ASPH: variants seen among roughly 807,000 people sequenced by gnomAD.
ASPH encodes aspartate beta-hydroxylase.
A neutral mutation model predicts 118.4 loss-of-function variants in ASPH; 100 were observed. The ratio of observed to expected loss-of-function variants is 0.84; its 90% CI spans 0.72 to 1.00. The LOEUF is 1.00. Ranked by LOEUF, ASPH falls within the 50% of genes least tolerant of loss-of-function variation. ASPH has a pLI of 0.00. For synonymous variants in ASPH, 315 were observed against 325.6 expected (o/e 0.97, Z 0.35); for missense variants, 920 against 919.5 (o/e 1.00, Z -0.01).
intron 14 of ASPH, among the ~76,000 whole-genome samples, chr8:61,589,662 T>C (rs1239849516): frequency 6.6e-6 from 1 of 152,192 alleles, no homozygotes. Flanking sequence ...CATGTCACTC[T>C]GCCCACAGTG....
chr8:61,573,575 C>T (rs575659248), intron 16 of ASPH, among the ~76,000 whole-genome samples: 1 of 152,312 alleles, frequency 6.6e-6, no homozygotes, highest in African/African-American at 2.4e-5. Context: ...CTACAACCAT[C>T]TGATCTTTAA....
At chr8:61,521,611 A>T (rs1018848818) in intron 22 of ASPH, among the ~76,000 whole-genome samples, 1 of 152,206 alleles carries the variant, frequency 6.6e-6, no homozygotes, top group African/African-American at 2.4e-5. Context: ...CAAACCAGTT[A>T]ACTCAGCCTG....
Position 61,714,362 on chromosome 8 carries a change from G to C in ASPH, c.10C>G (p.Arg4Gly). 6.6e-7 allele frequency: 1 copy of C among 1,517,286 alleles called. No individual in the cohort carries two copies. The highest frequency in any genetic ancestry group is 8.8e-7 in the Non-Finnish European group (1 of 1,132,938). The allele number at this position is 1,517,286 out of a possible 1,614,324, so 94.0% of individuals were successfully genotyped here. The change falls in exon 1 of 25, where the codon CGT (arginine) becomes GGT (glycine). Residue 4 changes from arginine to glycine, a missense_variant. By Grantham distance (125) the Arg-to-Gly change is moderately radical (BLOSUM62 -2). Transcript: ENST00000379454. ...TTGCCGCTGCTCTTGGCATTCTTAC[G>C]CTGGGCCATTGCACGGTCCGCGGGG... MAQ[R>G]KNAKSSGNSS...
intron 1 of ASPH, chr8:61,689,581 C>A: frequency 1.5e-6 from 2 of 1,330,492 alleles, no homozygotes; most frequent in South Asian, 1.3e-5. Context: ...AGCACTTAGC[C>A]AAAAATATTT....
chr8:61,611,269 C>T lies in ASPH; in HGVS notation c.976+7709G>A, dbSNP rs139959985. Among the ~76,000 whole-genome samples the T allele has an allele frequency of 3.2e-3, 487 of 152,346 alleles. 5 individuals are homozygous for T. Among genetic ancestry groups the T allele is most frequent in the Non-Finnish European group, 4.5e-3 (305 of 68,036 alleles). ...CAAGTTTTTTGCTATATGGACACAG[C>T]TTCTTGTATACTCTCATAATGCAGG... On this transcript the variant is annotated intron_variant, in intron 14 of 24. Coordinates refer to ENST00000379454, the MANE Select transcript of ASPH (RefSeq NM_004318.4).
chr8:61,671,863 C>T (rs1199049279), intron 3 of ASPH, among the ~76,000 whole-genome samples: 1 of 152,148 alleles, frequency 6.6e-6, no homozygotes, highest in Non-Finnish European at 1.5e-5. Context: ...GTGGTTACAC[C>T]ACATGCAATA....
At chr8:61,517,362 A>C in intron 24 of ASPH, 166 bp downstream of exon 24, 5 of 987,634 alleles carry the variant, frequency 5.1e-6, no homozygotes, top group South Asian at 3.7e-5. Flanking sequence ...AGGCTAATAG[A>C]AAGCACCAAG....
intron 20 of ASPH, among the ~76,000 whole-genome samples, chr8:61,550,168 A>T (rs530751756): frequency 1.5e-3 from 226 of 152,116 alleles, no homozygotes; most frequent in African/African-American, 4.7e-3. Flanking sequence ...AGTGCTTTTT[A>T]AAAAAAACCT....
intron 5 of ASPH, among the ~76,000 whole-genome samples, chr8:61,648,693 A>T (rs1809318328): frequency 2.0e-5 from 3 of 152,276 alleles, no homozygotes; most frequent in Middle Eastern, 3.4e-3. Flanking sequence ...AAATTTCCTA[A>T]GGGGTCATGA....
At position 61,643,365 on chromosome 8, in the gene ASPH, AT is replaced by A; in HGVS notation, c.757+20del. On this transcript the variant is annotated intron_variant, in intron 9 of 24. Transcript: ENST00000379454. ...AATCTAAGGTAATATTTTAAATCTA[AT>A]GAAAATGCTCATCTAATACCTGTAT... is the stretch of plus-strand genomic sequence containing the variant. 2 of 1,595,542 alleles carry A rather than the reference AT, an allele frequency of 1.3e-6. No homozygotes were observed. The highest frequency in any genetic ancestry group is 2.3e-5 in the South Asian group (2 of 88,706).
At chr8:61,568,073 G>A (rs1832340301) in intron 16 of ASPH, among the ~76,000 whole-genome samples, 1 of 152,164 alleles carries the variant, frequency 6.6e-6, no homozygotes, top group Non-Finnish European at 1.5e-5. Flanking sequence ...ACCAATGGAG[G>A]CCATGAGGTA....
chr8:61,537,486 C>T (rs989925114), intron 21 of ASPH, among the ~76,000 whole-genome samples: 1 of 152,196 alleles, frequency 6.6e-6, no homozygotes, highest in African/African-American at 2.4e-5. Flanking sequence ...CTTCCTGCCT[C>T]AGCATCCCAA....
In ASPH at chr8:61,653,654, T is replaced by G; in HGVS notation, c.329A>C (p.Lys110Thr). ...VDDAKVLLGL[K>T]ERSTSEPAVP... is the part of the protein sequence containing the mutation. ...TGCTGGCTCTGAAGTAGATCTCTCT[T>G]TAAGTCCTGCATTTTTTTATTCACA... Residue 110 changes from lysine (K) to threonine (T), a missense_variant, in exon 4 of 25, where the codon AAA becomes ACA. Coordinates refer to ENST00000379454, the MANE Select transcript of ASPH (RefSeq NM_004318.4). 6.2e-7 allele frequency: 1 copy of G among 1,613,610 alleles called. No homozygotes were observed. The highest frequency in any genetic ancestry group is 8.5e-7 in the Non-Finnish European group (1 of 1,179,868).
At chr8:61,608,904 C>T (rs1397682050) in intron 14 of ASPH, among the ~76,000 whole-genome samples, 1 of 152,174 alleles carries the variant, frequency 6.6e-6, no homozygotes, top group East Asian at 1.9e-4. Context: ...AGCAGTGACA[C>T]AGAGCTGGGT....
At chr8:61,697,051 C>T (rs1371851645) in intron 1 of ASPH, among the ~76,000 whole-genome samples, 4 of 152,052 alleles carry the variant, frequency 2.6e-5, no homozygotes, top group African/African-American at 4.8e-5. Context: ...CTTTCTGGAG[C>T]AAAAGAATCC....
rs769646803 is a variant in ASPH, at chr8:61,643,374, C to G, written c.757+12G>C. The G allele has an allele frequency of 5.0e-6, 8 of 1,596,060 alleles. No homozygotes were observed. The East Asian group carries it at 1.8e-4, about 36-fold the overall frequency. ...TAATATTTTAAATCTAATGAAAATG[C>G]TCATCTAATACCTGTATCATGGTGC... On this transcript the variant is annotated intron_variant, in intron 9 of 24. Coordinates refer to ENST00000379454, the MANE Select transcript of ASPH (RefSeq NM_004318.4).
intron 13 of ASPH, among the ~76,000 whole-genome samples, chr8:61,630,429 A>G (rs1855059086): frequency 6.6e-6 from 1 of 152,184 alleles, no homozygotes. Flanking sequence ...AGTGAATAAT[A>G]AAAAAATTGT....
intron 1 of ASPH, among the ~76,000 whole-genome samples, chr8:61,700,774 T>C (rs1366931391): frequency 1.3e-5 from 2 of 152,236 alleles, no homozygotes; most frequent in Non-Finnish European, 2.9e-5. Context: ...TGGTATTATA[T>C]TGTTTGTAGC....
chr8:61,654,168 C>G (rs1490786819), intron 3 of ASPH, among the ~76,000 whole-genome samples: 1 of 152,132 alleles, frequency 6.6e-6, no homozygotes, highest in Non-Finnish European at 1.5e-5. Context: ...GAAACCCCTA[C>G]AAGTAATCAT....
Sources: gnomAD v4.1 joint callset for allele counts (sites outside exome capture counted in the v4.1 genomes callset) on GRCh38, gnomAD v4.1.1 for gene constraint, MANE v1.5 for transcripts, NCBI Gene and HGNC (gene_info 2026-07-23, HGNC 2026-07-21) for gene names.